The following LRIF1 variants were observed in gnomAD, a reference collection of about 807,000 sequenced individuals.
LRIF1 encodes the protein ligand dependent nuclear receptor interacting factor 1.
A neutral mutation model predicts 52.7 loss-of-function variants in LRIF1; 32 were observed. That is an observed-to-expected ratio of 0.61 (90% CI 0.46 to 0.82). The LOEUF (loss-of-function observed/expected upper bound fraction) is 0.82, where lower values mean the gene tolerates loss of function less well. Among genes scored for constraint, LRIF1 ranks in the 40% least tolerant of loss-of-function variants. The pLI is 0.00. For missense variants in LRIF1, 887 were observed against 892.0 expected (o/e 0.99, Z 0.07); for synonymous variants, 323 against 317.4 (o/e 1.02, Z -0.19).
At position 110,963,838 on chromosome 1, in the gene LRIF1, C is replaced by G; in HGVS notation, c.-150G>C. The G allele has an allele frequency of 1.7e-6, 1 of 573,570 alleles. No homozygotes were observed. The highest frequency in any genetic ancestry group is 2.1e-5 in the South Asian group (1 of 48,064). 35.5% of individuals were successfully genotyped at this position (573,570 alleles called of 1,614,324 possible). A position where few individuals can be genotyped will look rare whatever the true frequency, so the allele number is the denominator to read the frequency against. Reference sequence around the variant, plus strand: ...GTTCGACCTTAACGGAGGGCGACAGCGGGCTCTCGAGAGGGTGTATCCCCA... The same window carrying G: ...GTTCGACCTTAACGGAGGGCGACAGGGGGCTCTCGAGAGGGTGTATCCCCA... On this transcript the variant is annotated 5_prime_UTR_variant, in exon 1 of 4. Coordinates refer to ENST00000369763, the MANE Select transcript of LRIF1 (RefSeq NM_018372.4).
chr1:110,935,964 AT>A, the LRIF1 span, among the ~76,000 whole-genome samples: 1 of 152,142 alleles, frequency 6.6e-6, no homozygotes, highest in Non-Finnish European at 1.5e-5. Context: ...GAAAAAAAAA[AT>A]AACATACAAT....
the LRIF1 span, chr1:110,894,166 A>T: frequency 1.6e-6 from 1 of 640,962 alleles, no homozygotes; most frequent in South Asian, 1.8e-5. Flanking sequence ...TAGAAAAAGA[A>T]CACATATTTT....
the LRIF1 span, among the ~76,000 whole-genome samples, chr1:110,931,932 G>A: frequency 6.6e-6 from 1 of 152,066 alleles, no homozygotes; most frequent in Non-Finnish European, 1.5e-5. Context: ...CCATTCTGTA[G>A]GTTGCCTGTT....
the LRIF1 span, among the ~76,000 whole-genome samples, chr1:110,878,348 T>G: frequency 6.6e-6 from 1 of 152,204 alleles, no homozygotes; most frequent in Non-Finnish European, 1.5e-5. Context: ...GAACAAAGAC[T>G]GCCACAGGCT....
At chr1:110,895,105 G>A in the LRIF1 span, 1 of 1,368,396 alleles carries the variant, frequency 7.3e-7, no homozygotes, top group Non-Finnish European at 1.0e-6. Flanking sequence ...TCATTTTCAA[G>A]CCTAAATCCT....
Position 110,949,894 on chromosome 1 carries a change from T to C in LRIF1, c.1826A>G (p.Tyr609Cys). Residue 609 changes from tyrosine to cysteine, a missense_variant, in exon 3 of 4, where the codon TAC becomes TGC. By Grantham distance (194) the Tyr-to-Cys change is radical (BLOSUM62 -2). Transcript: ENST00000369763. Reference sequence around the variant, plus strand: ...CTTCACCATAAACTCTGTCTCTTTGTAAGTACCACTCTTTACCAAACTGCT... The same window carrying C: ...CTTCACCATAAACTCTGTCTCTTTGCAAGTACCACTCTTTACCAAACTGCT... ...SFSSLVKSGT[Y>C]KETEFMVKEG... is the part of the protein sequence containing the mutation. 6.2e-7 allele frequency: 1 copy of C among 1,614,138 alleles called. No homozygotes were observed. Among genetic ancestry groups the C allele is most frequent in the Non-Finnish European group, 8.5e-7 (1 of 1,180,020 alleles).
At chr1:110,891,414 C>A in the LRIF1 span, 2 of 1,612,860 alleles carry the variant, frequency 1.2e-6, no homozygotes, top group South Asian at 1.1e-5. Flanking sequence ...ACGGCATGGG[C>A]ATGAGTAGCT....
chr1:110,963,093 C>T (rs1320436749), intron 1 of LRIF1, among the ~76,000 whole-genome samples: 1 of 152,226 alleles, frequency 6.6e-6, no homozygotes, highest in African/African-American at 2.4e-5. Flanking sequence ...ACGAGGATTT[C>T]TCCAGTCTTA....
chr1:110,948,753 A>G (rs1471957239), intron 3 of LRIF1, among the ~76,000 whole-genome samples: 1 of 152,182 alleles, frequency 6.6e-6, no homozygotes, highest in African/African-American at 2.4e-5. Context: ...GAGGATTTTC[A>G]TTCGAAAAGG....
chr1:110,922,873 G>C, the LRIF1 span, among the ~76,000 whole-genome samples: 1 of 152,098 alleles, frequency 6.6e-6, no homozygotes, highest in Non-Finnish European at 1.5e-5. Context: ...GCATTCCTTG[G>C]GTCTTGGCCA....
chr1:110,959,103 A>C (rs1355196675), intron 1 of LRIF1, among the ~76,000 whole-genome samples: 1 of 152,254 alleles, frequency 6.6e-6, no homozygotes, highest in African/African-American at 2.4e-5. Context: ...CAGATTCTGC[A>C]TCCCATTTTC....
Position 110,951,834 on chromosome 1 carries a change from C to T in LRIF1, c.1050G>A (p.Met350Ile). The T allele has an allele frequency of 3.1e-6, 5 of 1,612,892 alleles. No homozygotes were observed. The highest frequency in any genetic ancestry group is 4.2e-6 in the Non-Finnish European group (5 of 1,180,000). ...IDPSGTRSKN[M>I]PIKDNALVMF... ...TAACCAAAGCATTATCTTTAATAGG[C>T]ATATTTTTGGATCGCGTCCCACTAG... The change falls in exon 2 of 4, where the codon ATG becomes ATA. Residue 350 changes from methionine to isoleucine, a missense_variant. Met to Ile is a conservative substitution (Grantham distance 10). Transcript: ENST00000369763.
chr1:110,958,769 T>C (rs1173784350), intron 1 of LRIF1, among the ~76,000 whole-genome samples: 3 of 152,220 alleles, frequency 2.0e-5, no homozygotes, highest in Admixed American at 6.5e-5. Flanking sequence ...TAGATTATCC[T>C]ATTCATATCT....
At chr1:110,929,675 T>C in the LRIF1 span, among the ~76,000 whole-genome samples, 3 of 152,178 alleles carry the variant, frequency 2.0e-5, no homozygotes, top group Non-Finnish European at 4.4e-5. Context: ...GTCAGAAGCA[T>C]AGTTTACAAA....
chr1:110,958,239 T>C (rs1658792614), intron 1 of LRIF1, among the ~76,000 whole-genome samples: 1 of 152,214 alleles, frequency 6.6e-6, no homozygotes, highest in Non-Finnish European at 1.5e-5. Context: ...TTCTGGAATA[T>C]GCCATGTATA....
the LRIF1 span, among the ~76,000 whole-genome samples, chr1:110,875,460 G>A: frequency 6.6e-6 from 1 of 152,192 alleles, no homozygotes; most frequent in African/African-American, 2.4e-5. Context: ...AGAGCAGAAG[G>A]AAGGGTGGAG....
the LRIF1 span, among the ~76,000 whole-genome samples, chr1:110,909,864 A>C: frequency 6.6e-6 from 1 of 152,162 alleles, no homozygotes; most frequent in South Asian, 2.1e-4. Context: ...TACAGGTGTG[A>C]GCCACTGCGC....
the LRIF1 span, chr1:110,892,408 C>T: frequency 6.2e-7 from 1 of 1,613,786 alleles, no homozygotes. Flanking sequence ...CTTCGGAGTG[C>T]TCTTCCATAA....
chr1:110,958,228 A>C (rs772850430), intron 1 of LRIF1, among the ~76,000 whole-genome samples: 7 of 152,202 alleles, frequency 4.6e-5, no homozygotes, highest in Non-Finnish European at 8.8e-5. Flanking sequence ...TCTCTTTGCT[A>C]TTCTGGAATA....
Sources: gnomAD v4.1 joint callset for allele counts (sites outside exome capture counted in the v4.1 genomes callset) on GRCh38, gnomAD v4.1.1 for gene constraint, MANE v1.5 for transcripts, NCBI Gene and HGNC (gene_info 2026-07-23, HGNC 2026-07-21) for gene names.